AOPEP: variants seen among roughly 807,000 people sequenced by gnomAD.
The protein encoded by AOPEP is aminopeptidase O (putative).
A neutral mutation model predicts 98.1 loss-of-function variants in AOPEP; 77 were observed. That is an observed-to-expected ratio of 0.78 (90% CI 0.65 to 0.95). The LOEUF (loss-of-function observed/expected upper bound fraction) is 0.95, where lower values mean the gene tolerates loss of function less well. Among genes scored for constraint, AOPEP ranks in the 40% least tolerant of loss-of-function variants. The probability of loss-of-function intolerance (pLI) is 0.00; values close to 1 mark genes in which losing one functional copy is unlikely to be tolerated. For synonymous variants in AOPEP, 346 were observed against 365.3 expected (o/e 0.95, Z 0.60); for missense variants, 1,024 against 1,024.7 (o/e 1.00, Z 0.01).
At chr9:95,066,157 A>G (rs574035200) in intron 14 of AOPEP, among the ~76,000 whole-genome samples, 41 of 152,264 alleles carry the variant, frequency 2.7e-4, no homozygotes, top group Middle Eastern at 3.4e-3. Flanking sequence ...TATTTGGTTT[A>G]TGAAACATTT....
the AOPEP span, among the ~76,000 whole-genome samples, chr9:95,120,259 T>C: frequency 2.6e-5 from 4 of 152,224 alleles, no homozygotes; most frequent in Non-Finnish European, 5.9e-5. Flanking sequence ...GCATCATTTG[T>C]TGAAAACGTT....
At chr9:94,851,499 T>C (rs1294901546) in intron 5 of AOPEP, among the ~76,000 whole-genome samples, 1 of 152,002 alleles carries the variant, frequency 6.6e-6, no homozygotes, top group Non-Finnish European at 1.5e-5. Flanking sequence ...CCTCATCCTT[T>C]GGGCTGGATG....
chr9:95,044,370 G>T (rs939740330), intron 13 of AOPEP, among the ~76,000 whole-genome samples: 2 of 151,688 alleles, frequency 1.3e-5, no homozygotes, highest in Admixed American at 1.3e-4. Context: ...AACTGGCTCC[G>T]CTGGATGCAG....
At chr9:94,797,170 A>G (rs1847138716) in intron 4 of AOPEP, among the ~76,000 whole-genome samples, 2 of 152,222 alleles carry the variant, frequency 1.3e-5, no homozygotes, top group South Asian at 4.1e-4. Context: ...GCGGTGGCTC[A>G]CGCCATTAAT....
Position 94,865,323 on chromosome 9 carries a change from C to A in AOPEP, c.1365-58663C>A, listed in dbSNP as rs888503268. Among the ~76,000 whole-genome samples the A allele has an allele frequency of 5.9e-5, 9 of 152,258 alleles. No individual in the cohort carries two copies. In the East Asian group the frequency reaches 1.3e-3, roughly 23 times the overall value. On this transcript the variant is annotated intron_variant, in intron 5 of 16. Coordinates refer to ENST00000375315, the MANE Select transcript of AOPEP (RefSeq NM_001193329.3). ...TTTTGTGTGTCTTTGTTAAGAGCAT[C>A]GCAGCTTGTTTTAATTCTTTTTTTA...
intron 14 of AOPEP, among the ~76,000 whole-genome samples, chr9:95,065,928 G>A (rs1038923226): frequency 6.6e-6 from 1 of 152,164 alleles, no homozygotes; most frequent in Non-Finnish European, 1.5e-5. Context: ...GTGACTTCAG[G>A]TTTTTAGAAA....
intron 5 of AOPEP, among the ~76,000 whole-genome samples, chr9:94,875,072 C>T (rs905236031): frequency 2.6e-5 from 4 of 152,054 alleles, no homozygotes; most frequent in African/African-American, 9.7e-5. Flanking sequence ...ATGAAGTATG[C>T]ATTAAGATTT....
At chr9:95,101,130 C>T in the AOPEP span, 8 of 240,518 alleles carry the variant, frequency 3.3e-5, no homozygotes, top group Admixed American at 1.0e-4. Context: ...GCCGGAGGCC[C>T]GGGCTTGGGT....
chr9:94,975,136 T>C (rs1250775559), intron 10 of AOPEP, among the ~76,000 whole-genome samples: 1 of 152,082 alleles, frequency 6.6e-6, no homozygotes, highest in Admixed American at 6.6e-5. Flanking sequence ...AAGGCTGAGA[T>C]GGGAGGATCG....
intron 5 of AOPEP, among the ~76,000 whole-genome samples, chr9:94,855,953 A>G (rs1239933314): frequency 6.6e-6 from 1 of 152,240 alleles, no homozygotes; most frequent in Non-Finnish European, 1.5e-5. Flanking sequence ...CATTGAGGAA[A>G]CATTAGAATA....
chr9:95,064,678 T>C (rs2067690551), intron 14 of AOPEP, among the ~76,000 whole-genome samples: 1 of 152,222 alleles, frequency 6.6e-6, no homozygotes, highest in African/African-American at 2.4e-5. Flanking sequence ...CTGTTACTAA[T>C]ACATTGTTTA....
intron 13 of AOPEP, among the ~76,000 whole-genome samples, chr9:95,015,766 G>A (rs1323790590): frequency 6.6e-6 from 1 of 152,172 alleles, no homozygotes; most frequent in Non-Finnish European, 1.5e-5. Context: ...TACCTGTGCA[G>A]TTTCATTCAA....
intron 14 of AOPEP, among the ~76,000 whole-genome samples, chr9:95,061,798 G>A (rs1033674843): frequency 1.8e-4 from 27 of 152,296 alleles, no homozygotes; most frequent in African/African-American, 6.5e-4. Context: ...AACAGTGATT[G>A]AAAAACTCCA....
chr9:95,049,712 A>C (rs1005267939), intron 13 of AOPEP, among the ~76,000 whole-genome samples: 1 of 152,196 alleles, frequency 6.6e-6, no homozygotes, highest in Non-Finnish European at 1.5e-5. Context: ...TTTCTAAACA[A>C]ATTTCCTGAA....
chr9:94,998,013 G>A (rs1254193244), intron 11 of AOPEP, among the ~76,000 whole-genome samples: 1 of 151,788 alleles, frequency 6.6e-6, no homozygotes, highest in Non-Finnish European at 1.5e-5. Context: ...ACTCTTTAAG[G>A]TTATAATGTC....
chr9:95,111,331 C>A, the AOPEP span: 1 of 1,597,538 alleles, frequency 6.3e-7, no homozygotes, highest in Non-Finnish European at 8.5e-7. Context: ...TGCAGGTTGC[C>A]ATGACATATG....
chr9:94,739,644 CAA>C (rs56210021), intron 1 of AOPEP, among the ~76,000 whole-genome samples: 39 of 79,376 alleles, frequency 4.9e-4, no homozygotes, highest in Non-Finnish European at 4.5e-4. Flanking sequence ...AACTTCGTCT[CAA>C]AAAAAAAAAA....
Position 95,082,721 on chromosome 9 carries a change from T to C in AOPEP, c.*4+2T>C. 1 of 1,614,098 alleles carries C rather than the reference T, an allele frequency of 6.2e-7. No homozygotes were observed. The highest frequency in any genetic ancestry group is 8.5e-7 in the Non-Finnish European group (1 of 1,179,978). On this transcript the variant is annotated splice_donor_variant, in intron 16 of 16. Transcript: ENST00000375315. LOFTEE classifies it low-confidence loss of function (3UTR_SPLICE). ...TGGCCGAAATGTTATTTTAACGAGG[T>C]GATTCTCTCCCTTTCCTTTCTGTCA...
At position 94,888,536 on chromosome 9, in the gene AOPEP, A is replaced by C. The variant is rs75265315; in HGVS notation, c.1365-35450A>C. Among the ~76,000 whole-genome samples the C allele has an allele frequency of 3.7e-4, 56 of 152,320 alleles. No individual in the cohort carries two copies. The East Asian group carries it at 8.3e-3, about 23-fold the overall frequency. Reference sequence around the variant, plus strand: ...TATGTTGTAGTCTTGTCAATGTATCAAGATGTACTAGTCTGTCGTTGTCTG... The same window carrying C: ...TATGTTGTAGTCTTGTCAATGTATCCAGATGTACTAGTCTGTCGTTGTCTG... On this transcript the variant is annotated intron_variant, in intron 5 of 16. Transcript: ENST00000375315.
Sources: allele counts gnomAD v4.1 joint callset (sites outside exome capture counted in the v4.1 genomes callset), GRCh38; gene constraint gnomAD v4.1.1; transcripts MANE v1.5; gene names NCBI Gene and HGNC (gene_info 2026-07-23, HGNC 2026-07-21).